The following PPARGC1A variants were observed in gnomAD, a reference collection of about 807,000 sequenced individuals.
The protein encoded by PPARGC1A is peroxisome proliferator-activated receptor gamma coactivator 1-alpha.
PPARGC1A carries 25 observed loss-of-function variants against 88.7 expected under a neutral mutation model. The observed-to-expected ratio is 0.28, with a 90% confidence interval of 0.21 to 0.39. The LOEUF (loss-of-function observed/expected upper bound fraction) is 0.39. Ranked by LOEUF, PPARGC1A falls within the 10% of genes least tolerant of loss-of-function variation. PPARGC1A has a pLI of 1.00. For missense variants in PPARGC1A, 880 were observed against 968.7 expected (o/e 0.91, Z 1.22); for synonymous variants, 363 against 355.6 (o/e 1.02, Z -0.24).
the PPARGC1A span, among the ~76,000 whole-genome samples, chr4:24,225,402 T>C: frequency 6.6e-6 from 1 of 151,950 alleles, no homozygotes; most frequent in African/African-American, 2.4e-5. Context: ...ACCCCGTCTC[T>C]ACTAAAAATA....
At chr4:24,220,007 A>G in the PPARGC1A span, among the ~76,000 whole-genome samples, 6 of 152,216 alleles carry the variant, frequency 3.9e-5, no homozygotes, top group Non-Finnish European at 8.8e-5. Context: ...CATAATCTAT[A>G]AGGAACTTAA....
the PPARGC1A span, among the ~76,000 whole-genome samples, chr4:23,910,543 C>A: frequency 6.8e-6 from 1 of 146,960 alleles, no homozygotes; most frequent in Admixed American, 7.2e-5. Flanking sequence ...CGAGTTCAAG[C>A]AATTCTCCTG....
At chr4:24,452,441 C>T in the PPARGC1A span, among the ~76,000 whole-genome samples, 1 of 152,256 alleles carries the variant, frequency 6.6e-6, no homozygotes, top group East Asian at 1.9e-4. Context: ...TCTACTCTCT[C>T]GACCTCATTC....
chr4:23,959,264 A>T, the PPARGC1A span, among the ~76,000 whole-genome samples: 1 of 152,152 alleles, frequency 6.6e-6, no homozygotes, highest in Non-Finnish European at 1.5e-5. Context: ...CAGGGAACAA[A>T]GTGAACACCT....
the PPARGC1A span, among the ~76,000 whole-genome samples, chr4:24,128,818 C>T: frequency 2.6e-5 from 4 of 152,112 alleles, no homozygotes; most frequent in Admixed American, 6.5e-5. Flanking sequence ...AAATAGGATT[C>T]GACTTCTCAT....
chr4:24,110,542 A>G, the PPARGC1A span, among the ~76,000 whole-genome samples: 3 of 152,196 alleles, frequency 2.0e-5, no homozygotes, highest in Non-Finnish European at 4.4e-5. Context: ...AAGAAGGCCC[A>G]GGTGTTGGTA....
chr4:24,118,658 T>C, the PPARGC1A span, among the ~76,000 whole-genome samples: 1 of 152,168 alleles, frequency 6.6e-6, no homozygotes, highest in African/African-American at 2.4e-5. Context: ...CAGATAAATA[T>C]AGACACCATA....
chr4:23,964,094 T>C, the PPARGC1A span, among the ~76,000 whole-genome samples: 1 of 152,332 alleles, frequency 6.6e-6, no homozygotes, highest in East Asian at 1.9e-4. Context: ...TTCCTTACAA[T>C]ACAAGTTCAA....
At chr4:24,060,013 C>A in the PPARGC1A span, among the ~76,000 whole-genome samples, 1 of 152,188 alleles carries the variant, frequency 6.6e-6, no homozygotes, top group African/African-American at 2.4e-5. Context: ...TCACAGCAGG[C>A]ACCAGGCACC....
the PPARGC1A span, among the ~76,000 whole-genome samples, chr4:24,336,241 T>C: frequency 6.6e-6 from 1 of 152,306 alleles, no homozygotes; most frequent in African/African-American, 2.4e-5. Flanking sequence ...AAGTGCTTTG[T>C]GTCACACTGT....
chr4:23,979,244 A>G, the PPARGC1A span, among the ~76,000 whole-genome samples: 3 of 152,194 alleles, frequency 2.0e-5, no homozygotes, highest in Admixed American at 2.0e-4. Context: ...ACCATTAATA[A>G]AAATTTATTT....
the PPARGC1A span, among the ~76,000 whole-genome samples, chr4:24,003,499 T>C: frequency 1.3e-5 from 2 of 152,208 alleles, no homozygotes; most frequent in African/African-American, 4.8e-5. Flanking sequence ...TAAACACATC[T>C]GGAGTATTGC....
the PPARGC1A span, among the ~76,000 whole-genome samples, chr4:24,392,432 AT>A: frequency 1.3e-5 from 2 of 152,210 alleles, no homozygotes; most frequent in African/African-American, 4.8e-5. Context: ...GCCCCTCCTC[AT>A]ATTCTTGAAA....
At chr4:23,968,525 C>T in the PPARGC1A span, among the ~76,000 whole-genome samples, 7 of 152,160 alleles carry the variant, frequency 4.6e-5, no homozygotes, top group African/African-American at 1.7e-4. Flanking sequence ...ATTCTCTACT[C>T]ATACTTTTAT....
the PPARGC1A span, among the ~76,000 whole-genome samples, chr4:24,299,295 T>C: frequency 7.5e-4 from 114 of 152,300 alleles, 1 homozygote; most frequent in African/African-American, 2.7e-3. Context: ...GGACTTTTGC[T>C]ATTAAAAATT....
intron 10 of PPARGC1A, among the ~76,000 whole-genome samples, chr4:23,805,119 A>C (rs1417784857): frequency 7.0e-6 from 1 of 142,702 alleles, no homozygotes. Context: ...AATCATCTTG[A>C]ACACTTATCC....
At chr4:23,931,346 A>G in the PPARGC1A span, among the ~76,000 whole-genome samples, 1 of 152,138 alleles carries the variant, frequency 6.6e-6, no homozygotes, top group Admixed American at 6.5e-5. Flanking sequence ...AGGAGGAAAA[A>G]AAAAGGAAGG....
At chr4:24,371,995 C>T in the PPARGC1A span, among the ~76,000 whole-genome samples, 1 of 151,926 alleles carries the variant, frequency 6.6e-6, no homozygotes, top group Non-Finnish European at 1.5e-5. Context: ...ATAAGGTTGC[C>T]TCTCTTCTGA....
chr4:23,974,799 ATTTTTTTTTTTT>A, the PPARGC1A span, among the ~76,000 whole-genome samples: 12 of 61,126 alleles, frequency 2.0e-4, no homozygotes, highest in South Asian at 2.4e-3. Flanking sequence ...GGCCCGGCTA[ATTTTTTTTTTTT>A]TTTTTTTTTT....
Sources: allele counts gnomAD v4.1 joint callset (sites outside exome capture counted in the v4.1 genomes callset), GRCh38; gene constraint gnomAD v4.1.1; transcripts MANE v1.5; gene names NCBI Gene and HGNC (gene_info 2026-07-23, HGNC 2026-07-21).